The following ARHGAP21 variants were observed in gnomAD, a reference collection of about 807,000 sequenced individuals.
ARHGAP21 encodes Rho GTPase activating protein 21.
In ARHGAP21, 38 loss-of-function variants were observed where a neutral mutation model predicts 164.6. The observed-to-expected ratio is 0.23, with a 90% CI of 0.18 to 0.30. The LOEUF (loss-of-function observed/expected upper bound fraction) is 0.30, where lower values mean the gene tolerates loss of function less well. ARHGAP21 is among the 10% of genes least tolerant of loss of function. The pLI, the probability that ARHGAP21 is intolerant of heterozygous loss-of-function variation, is 1.00. For missense variants in ARHGAP21, 1,822 were observed against 2,370.7 expected, an observed-to-expected ratio of 0.77 and a Z score of 4.81; for synonymous variants, 766 against 857.9, an observed-to-expected ratio of 0.89 and a Z score of 1.87.
At chr10:24,628,850 CAT>C (rs369282461) in intron 7 of ARHGAP21, among the ~76,000 whole-genome samples, 1,553 of 134,146 alleles carry the variant, frequency 0.012, 25 homozygotes, top group East Asian at 0.069. Flanking sequence ...TATACACATA[CAT>C]ATATATACAC....
intron 4 of ARHGAP21, chr10:24,640,267 T>C (rs901078434): frequency 1.3e-5 from 2 of 151,224 alleles, no homozygotes; most frequent in African/African-American, 4.8e-5. Context: ...TGCCTGGGAA[T>C]ATCAGGTGCT....
chr10:24,660,535 T>C (rs567465105), intron 4 of ARHGAP21, among the ~76,000 whole-genome samples: 1 of 152,234 alleles, frequency 6.6e-6, no homozygotes, highest in South Asian at 2.1e-4. Flanking sequence ...CCTTCGATCA[T>C]GGACCATGCT....
chr10:24,683,720 A>C (rs1430889290), intron 2 of ARHGAP21, among the ~76,000 whole-genome samples: 3 of 152,138 alleles, frequency 2.0e-5, no homozygotes. Context: ...AGCTGCTACC[A>C]TACTCTGTCC....
At chr10:24,672,865 C>T (rs1565140553) in intron 2 of ARHGAP21, among the ~76,000 whole-genome samples, 1 of 151,064 alleles carries the variant, frequency 6.6e-6, no homozygotes, top group Non-Finnish European at 1.5e-5. Context: ...ATACAGTATA[C>T]CAAAAACAAA....
chr10:24,633,689 G>A (rs970329610), intron 5 of ARHGAP21, among the ~76,000 whole-genome samples: 19 of 151,964 alleles, frequency 1.3e-4, no homozygotes, highest in Admixed American at 9.8e-4. Flanking sequence ...TTTTACAAAA[G>A]TAAATACATT....
chr10:24,631,080 C>T (rs1835807883), intron 6 of ARHGAP21, among the ~76,000 whole-genome samples: 1 of 152,176 alleles, frequency 6.6e-6, no homozygotes, highest in Non-Finnish European at 1.5e-5. Flanking sequence ...TCTGGAGGTA[C>T]ATACAGATAT....
chr10:24,666,091 G>A (rs1840169439), intron 4 of ARHGAP21, among the ~76,000 whole-genome samples: 1 of 152,314 alleles, frequency 6.6e-6, no homozygotes, highest in Middle Eastern at 3.4e-3. Flanking sequence ...GTGCAGTGGA[G>A]CGATCTCGGC....
At chr10:24,632,874 G>A (rs537960133) in intron 6 of ARHGAP21, among the ~76,000 whole-genome samples, 1 of 152,250 alleles carries the variant, frequency 6.6e-6, no homozygotes, top group South Asian at 2.1e-4. Flanking sequence ...GATCTTCGAG[G>A]TCTCATAGAC....
At position 24,607,881 on chromosome 10, in the gene ARHGAP21, A is replaced by C. The variant is rs934394804; in HGVS notation, c.2445T>G (p.Ile815Met). Residue 815 changes from isoleucine to methionine, a missense_variant, in exon 10 of 26, where the codon ATT becomes ATG. By Grantham distance (10) the Ile-to-Met change is conservative (BLOSUM62 1). Around this residue, in one of 5 missense-constraint regions of ARHGAP21, gnomAD observed 1,090 missense variants for 1,378.9 expected, o/e 0.79. Transcript: ENST00000396432. ...PFIDEPTSPS[I>M]DHDIAHIPAS... ...CAGGGATATGTGCAATATCATGATCAATGCTAGGGCTAGTTGGTTCATCTG... is the reference window on the plus strand; with the variant it reads ...CAGGGATATGTGCAATATCATGATCCATGCTAGGGCTAGTTGGTTCATCTG... The C allele has an allele frequency of 1.2e-5, 20 of 1,612,574 alleles. No individual in the cohort carries two copies. Among genetic ancestry groups the C allele is most frequent in the Non-Finnish European group, 1.7e-5 (20 of 1,179,400 alleles).
At position 24,595,103 on chromosome 10, in the gene ARHGAP21, A is replaced by C. The variant is rs531270095; in HGVS notation, c.3786+14T>G. ...ATTTTAGTTGTATCCCCCAAAATATAAAATAATACCTACTAGTCTTTTTAA... is the reference window on the plus strand; with the variant it reads ...ATTTTAGTTGTATCCCCCAAAATATCAAATAATACCTACTAGTCTTTTTAA... On this transcript the variant is annotated intron_variant, in intron 20 of 25. Transcript: ENST00000396432. 6.2e-7 allele frequency: 1 copy of C among 1,608,080 alleles called. No individual in the cohort carries two copies. The highest frequency in any genetic ancestry group is 1.1e-5 in the South Asian group (1 of 90,256).
Position 24,601,743 on chromosome 10 carries a change from G to A in ARHGAP21, c.2847+235C>T, listed in dbSNP as rs577309458. Among the ~76,000 whole-genome samples the A allele has an allele frequency of 4.0e-4, 61 of 152,024 alleles. No individual in the cohort carries two copies. In the South Asian group the frequency reaches 4.4e-3, roughly 11 times the overall value. ...GATTTCCTTTTTACATTGCCAAAAC[G>A]TAAGACAATATATTCTACATGTAGC... is the stretch of plus-strand genomic sequence containing the variant. On this transcript the variant is annotated intron_variant, in intron 13 of 25. Coordinates refer to ENST00000396432, the MANE Select transcript of ARHGAP21 (RefSeq NM_020824.4).
intron 25 of ARHGAP21, 33 bp from the exon 26 acceptor site, chr10:24,586,139 A>G (rs368269802): frequency 3.9e-6 from 6 of 1,530,410 alleles, no homozygotes; most frequent in Non-Finnish European, 4.4e-6. Context: ...GACTCTGAGC[A>G]TAAGAATGCA....
rs1353200874 is a variant in ARHGAP21, at chr10:24,584,615, G to C, written c.5674C>G (p.Leu1892Val). The C allele has an allele frequency of 6.2e-7, 1 of 1,613,952 alleles. No individual in the cohort carries two copies. The highest frequency in any genetic ancestry group is 1.1e-5 in the South Asian group (1 of 91,064). The change falls in exon 26 of 26, where the codon CTT becomes GTT. Residue 1892 changes from leucine (L) to valine (V), a missense_variant. Around this residue, in one of 5 missense-constraint regions of ARHGAP21, gnomAD observed 165 missense variants for 176.6 expected, o/e 0.93. Transcript: ENST00000396432. The stretch of plus-strand genomic sequence containing the variant: ...GAAGAACTGCCTGTGTTGCAATGAA[G>C]AGACAAAGGTGTGTCGGTCGTGGCT... ...EIATTDTPLS[L>V]HCNTGSSSST...
At chr10:24,638,870 T>TAA (rs1273395122) in intron 4 of ARHGAP21, among the ~76,000 whole-genome samples, 1 of 152,198 alleles carries the variant, frequency 6.6e-6, no homozygotes, top group Non-Finnish European at 1.5e-5. Context: ...TTTTATGTTA[T>TAA]AATATATAAT....
At chr10:24,636,353 G>GAA (rs893499610) in intron 4 of ARHGAP21, among the ~76,000 whole-genome samples, 1 of 152,168 alleles carries the variant, frequency 6.6e-6, no homozygotes, top group African/African-American at 2.4e-5. Flanking sequence ...AATATGTTAG[G>GAA]AATGCAAATT....
At chr10:24,588,110 G>C (rs886348909) in intron 25 of ARHGAP21, among the ~76,000 whole-genome samples, 47 of 152,186 alleles carry the variant, frequency 3.1e-4, no homozygotes, top group African/African-American at 1.0e-3. Flanking sequence ...ATCCTTGACT[G>C]CATTCTGTAT....
intron 4 of ARHGAP21, among the ~76,000 whole-genome samples, chr10:24,642,384 G>A (rs567079205): frequency 7.8e-4 from 118 of 151,580 alleles, no homozygotes; most frequent in Non-Finnish European, 1.1e-3. Context: ...GCGTGGTAGC[G>A]GGCGCCTGTA....
intron 14 of ARHGAP21, among the ~76,000 whole-genome samples, chr10:24,600,132 C>CCAAAA (rs576760043): frequency 7.9e-4 from 75 of 94,852 alleles, no homozygotes; most frequent in African/African-American, 3.0e-3. Flanking sequence ...GACTTCGTTT[C>CCAAAA]AAAAAAAAAA....
At chr10:24,685,793 T>C (rs1842158924) in intron 2 of ARHGAP21, among the ~76,000 whole-genome samples, 1 of 152,162 alleles carries the variant, frequency 6.6e-6, no homozygotes, top group African/African-American at 2.4e-5. Context: ...GGAGAATCGC[T>C]TGAACCTGGG....
Sources: allele counts gnomAD v4.1 joint callset (sites outside exome capture counted in the v4.1 genomes callset), GRCh38; gene constraint gnomAD v4.1.1; regional missense constraint gnomAD v4.1.1; transcripts MANE v1.5; gene names NCBI Gene and HGNC (gene_info 2026-07-23, HGNC 2026-07-21).